The following SPIDR variants were observed in gnomAD, a reference collection of about 807,000 sequenced individuals.
The protein encoded by SPIDR is scaffold protein involved in DNA repair, also known as DNA repair-scaffolding protein.
Under a neutral mutation model 104.6 loss-of-function variants are expected in SPIDR, and 93 were observed. The observed-to-expected ratio is 0.89, with a 90% confidence interval of 0.75 to 1.06. The LOEUF is 1.06. SPIDR is among the 50% of genes least tolerant of loss of function. The pLI is 0.00. For missense variants in SPIDR, 1,154 were observed against 1,111.2 expected (o/e 1.04, Z -0.55); for synonymous variants, 431 against 416.9 (o/e 1.03, Z -0.41).
chr8:47,660,953 G>T (rs1458669883), intron 10 of SPIDR: 2 of 985,414 alleles, frequency 2.0e-6, no homozygotes, highest in Non-Finnish European at 2.4e-6. Flanking sequence ...CAGAAGAGAT[G>T]CAGGCACTTA....
chr8:47,349,702 G>A (rs1554620961), intron 5 of SPIDR, among the ~76,000 whole-genome samples: 1 of 152,216 alleles, frequency 6.6e-6, no homozygotes, highest in African/African-American at 2.4e-5. Flanking sequence ...CAGCATCGCT[G>A]CCACCTCGCA....
intron 5 of SPIDR, among the ~76,000 whole-genome samples, chr8:47,323,219 G>C (rs1368244371): frequency 5.9e-5 from 9 of 152,114 alleles, no homozygotes; most frequent in African/African-American, 2.2e-4. Context: ...GTTTTTGCTA[G>C]TATCTCTAAA....
chr8:47,555,373 A>C (rs976931860), intron 8 of SPIDR, among the ~76,000 whole-genome samples: 6 of 152,184 alleles, frequency 3.9e-5, no homozygotes, highest in African/African-American at 1.4e-4. Context: ...CATACTGTAG[A>C]GATTCAATAA....
chr8:47,618,350 T>C (rs948120037), intron 10 of SPIDR, among the ~76,000 whole-genome samples: 4 of 152,184 alleles, frequency 2.6e-5, no homozygotes, highest in African/African-American at 9.7e-5. Context: ...AAATCTGATA[T>C]GAATTAAAAA....
At position 47,486,342 on chromosome 8, in the gene SPIDR, A is replaced by G. The variant is rs554941977; in HGVS notation, c.1097+45800A>G. On this transcript the variant is annotated intron_variant, in intron 8 of 19. Coordinates refer to ENST00000297423, the MANE Select transcript of SPIDR (RefSeq NM_001080394.4). ...GAAGCAAACAAAGCCTCCAAGAAATATGGGACTATGTGAAAAGACCAAATC... is the reference window on the plus strand; with the variant it reads ...GAAGCAAACAAAGCCTCCAAGAAATGTGGGACTATGTGAAAAGACCAAATC... Among the ~76,000 whole-genome samples the G allele has an allele frequency of 2.0e-3, 301 of 152,328 alleles. 1 individual carries two copies. Among genetic ancestry groups the G allele is most frequent in the Non-Finnish European group, 3.2e-3 (221 of 68,024 alleles).
At chr8:47,412,122 T>C (rs2063616027) in intron 7 of SPIDR, among the ~76,000 whole-genome samples, 1 of 152,216 alleles carries the variant, frequency 6.6e-6, no homozygotes, top group Non-Finnish European at 1.5e-5. Context: ...GGCTTAGGAT[T>C]GACTTGGCAA....
intron 8 of SPIDR, among the ~76,000 whole-genome samples, chr8:47,534,822 G>GA (rs1307985091): frequency 6.6e-6 from 1 of 151,338 alleles, no homozygotes; most frequent in Non-Finnish European, 1.5e-5. Context: ...TAATGAAATC[G>GA]AAAACAGGAA....
At chr8:47,554,206 A>T (rs2091000472) in intron 8 of SPIDR, among the ~76,000 whole-genome samples, 2 of 152,160 alleles carry the variant, frequency 1.3e-5, no homozygotes. Context: ...TCAGGGACCC[A>T]CTTGAGGAGG....
At chr8:47,728,818 A>G in intron 17 of SPIDR, 115 bp from the exon 18 acceptor site, 1 of 1,253,954 alleles carries the variant, frequency 8.0e-7, no homozygotes, top group South Asian at 1.5e-5. Flanking sequence ...TTCTGAGAGT[A>G]AAGCCCCGTT....
intron 8 of SPIDR, among the ~76,000 whole-genome samples, chr8:47,488,700 C>T (rs1405547174): frequency 1.4e-4 from 22 of 152,202 alleles, no homozygotes; most frequent in East Asian, 3.9e-4. Flanking sequence ...GTTCAACATA[C>T]GCAAATCAAT....
rs199765975 is a variant in SPIDR, at chr8:47,339,679, C to CT, written c.525+45667dup. On this transcript the variant is annotated intron_variant, in intron 5 of 19. Coordinates refer to ENST00000297423, the MANE Select transcript of SPIDR (RefSeq NM_001080394.4). ...TGAGCATAACATAACTGTTTACAAT[C>CT]TTTTTTTTTTTTTTTTTTGAGGTGG... Among the ~76,000 whole-genome samples the CT allele has an allele frequency of 5.6e-3, 755 of 135,862 alleles. 9 individuals carry two copies. The highest frequency in any genetic ancestry group is 0.021 in the South Asian group (90 of 4,240). The allele number at this position is 135,862 out of a possible 152,430, so 89.1% of individuals were successfully genotyped here.
At chr8:47,335,438 T>C (rs953650197) in intron 5 of SPIDR, among the ~76,000 whole-genome samples, 1 of 151,920 alleles carries the variant, frequency 6.6e-6, no homozygotes, top group Non-Finnish European at 1.5e-5. Context: ...GTTTATGTGG[T>C]TTTTTGTTTG....
At chr8:47,427,325 G>A (rs2066578159) in intron 7 of SPIDR, among the ~76,000 whole-genome samples, 1 of 148,964 alleles carries the variant, frequency 6.7e-6, no homozygotes, top group East Asian at 1.9e-4. Context: ...TTTTAAATAT[G>A]CCTTTTACAA....
chr8:47,428,072 G>A lies in SPIDR; in HGVS notation c.878-12251G>A, dbSNP rs192796566. ...TGAGTAGTTGGGATTACAGACGTGC[G>A]CCACGACGCCTGGCTAATTTTTGTA... On this transcript the variant is annotated intron_variant, in intron 7 of 19. Coordinates refer to ENST00000297423, the MANE Select transcript of SPIDR (RefSeq NM_001080394.4). Among the ~76,000 whole-genome samples, 323 of 152,286 alleles carry A rather than the reference G, an allele frequency of 2.1e-3. 1 individual carries two copies. The highest frequency in any genetic ancestry group is 3.5e-3 in the Non-Finnish European group (235 of 68,000).
At chr8:47,532,774 C>A (rs1309695342) in intron 8 of SPIDR, among the ~76,000 whole-genome samples, 1 of 152,192 alleles carries the variant, frequency 6.6e-6, no homozygotes. Context: ...ACAACACAAT[C>A]AACAGAATCT....
At chr8:47,605,553 T>C (rs114463298) in intron 10 of SPIDR, among the ~76,000 whole-genome samples, 35 of 152,334 alleles carry the variant, frequency 2.3e-4, no homozygotes, top group African/African-American at 8.4e-4. Context: ...TTCTTTTAAA[T>C]ATGCATAGAG....
At chr8:47,327,391 C>CTTTTTTTTTTTTTTTTTTTTTTTTTTTT (rs375122007) in intron 5 of SPIDR, among the ~76,000 whole-genome samples, 1 of 132,612 alleles carries the variant, frequency 7.5e-6, no homozygotes, top group Non-Finnish European at 1.6e-5. Flanking sequence ...GGTTTTTTCA[C>CTTTTTTTTTTTTTTTTTTTTTTTTTTTT]TTTTTTTTTT....
intron 5 of SPIDR, among the ~76,000 whole-genome samples, chr8:47,300,642 G>A (rs1223905791): frequency 5.9e-5 from 9 of 152,160 alleles, no homozygotes; most frequent in Non-Finnish European, 1.2e-4. Context: ...ATTCTGGTAT[G>A]TTGTGTCTTT....
chr8:47,534,423 A>G (rs759884544), intron 8 of SPIDR, among the ~76,000 whole-genome samples: 16 of 152,328 alleles, frequency 1.1e-4, no homozygotes, highest in Non-Finnish European at 1.2e-4. Context: ...AAATGTACAT[A>G]TACACCATGG....
Sources: gnomAD v4.1 joint callset for allele counts (sites outside exome capture counted in the v4.1 genomes callset) on GRCh38, gnomAD v4.1.1 for gene constraint, MANE v1.5 for transcripts, NCBI Gene and HGNC (gene_info 2026-07-23, HGNC 2026-07-21) for gene names.